The following AGAP6 variants were observed in gnomAD, a reference collection of about 807,000 sequenced individuals.
AGAP6 encodes the protein arf-GAP with GTPase, ANK repeat and PH domain-containing protein 6.
A neutral mutation model predicts 63.9 loss-of-function variants in AGAP6; 29 were observed. That is an observed-to-expected ratio of 0.45 (90% CI 0.34 to 0.62). AGAP6 has a LOEUF of 0.62. Ranked by LOEUF, AGAP6 falls within the 20% of genes least tolerant of loss-of-function variation. The pLI is 0.01. For synonymous variants in AGAP6, 199 were observed against 332.9 expected (o/e 0.60, Z 4.38); for missense variants, 493 against 884.9 (o/e 0.56, Z 5.62).
At position 50,010,231 on chromosome 10, in the gene AGAP6, T is replaced by C. The variant is rs1842063333; in HGVS notation, c.*45T>C. The C allele has an allele frequency of 6.3e-7, 1 of 1,575,226 alleles. No individual in the cohort carries two copies. Among genetic ancestry groups the C allele is most frequent in the Admixed American group, 1.8e-5 (1 of 56,914 alleles). On this transcript the variant is annotated 3_prime_UTR_variant, in exon 8 of 8. Coordinates refer to ENST00000412531, the MANE Select transcript of AGAP6 (RefSeq NM_001077665.3). ...CAGTCTCCTTGGTGCAAAAACAAAA[T>C]GGGAAAAATAAGGATAACTCAGAAT...
chr10:50,005,093 T>A (rs530294698), intron 6 of AGAP6, among the ~76,000 whole-genome samples: 1 of 152,228 alleles, frequency 6.6e-6, no homozygotes, highest in African/African-American at 2.4e-5. Context: ...TCATGGCCTC[T>A]ACCAACTAGA....
intron 3 of AGAP6, among the ~76,000 whole-genome samples, chr10:49,993,840 T>A (rs1243338997): frequency 4.7e-5 from 7 of 148,660 alleles, no homozygotes; most frequent in African/African-American, 1.5e-4. Flanking sequence ...AAAAAAAAAA[T>A]TAAGATATGT....
rs782767193 is a variant in AGAP6 at position 50,009,674 on chromosome 10, C to G, written c.1549C>G (p.Arg517Gly). ...TCTTGGCCCCCACCTTTCCCGTGTG[C>G]GATCTCTGGAGCTGGATGACTGGCC... ...RSLGPHLSRV[R>G]SLELDDWPVE... The change falls in exon 8 of 8, where the codon CGA (arginine) becomes GGA (glycine). Residue 517 changes from arginine (R) to glycine (G), a missense_variant. This residue lies in a region of AGAP6 where 87 missense variants were observed against 92.9 expected (regional missense o/e 0.94). Coordinates refer to ENST00000412531, the MANE Select transcript of AGAP6 (RefSeq NM_001077665.3). 1 of 1,614,168 alleles carries G rather than the reference C, an allele frequency of 6.2e-7. No homozygotes were observed. Among genetic ancestry groups the G allele is most frequent in the Admixed American group, 1.7e-5 (1 of 60,020 alleles).
intron 3 of AGAP6, among the ~76,000 whole-genome samples, chr10:49,992,866 A>G (rs1564706918): frequency 6.6e-6 from 1 of 152,108 alleles, no homozygotes; most frequent in Admixed American, 6.5e-5. Flanking sequence ...GGTTCAAGCA[A>G]TTCTCCTGCC....
chr10:50,003,842 C>T (rs1841801662), intron 5 of AGAP6, among the ~76,000 whole-genome samples: 1 of 152,122 alleles, frequency 6.6e-6, no homozygotes, highest in Non-Finnish European at 1.5e-5. Flanking sequence ...GGTCATTGGT[C>T]CTTTCCAGCA....
chr10:49,989,375 A>T lies in AGAP6; in HGVS notation c.291A>T (p.Glu97Asp), dbSNP rs1193006503. Residue 97 changes from glutamate (E) to aspartate (D), a missense_variant and splice_region_variant, in exon 2 of 8, where the codon GAA becomes GAT. This residue lies in a region of AGAP6 where 342 missense variants were observed against 533.4 expected (regional missense o/e 0.64). Transcript: ENST00000412531. ...STIFQRNSQT[E>D]ALEFNPSANP... is the part of the protein sequence containing the mutation. The stretch of plus-strand genomic sequence containing the variant: ...TATTCCAGAGGAACTCTCAAACAGA[A>T]GGTGAGACAACAGTGTCTGTAGCTC... 20 of 1,597,460 alleles carry T rather than the reference A, an allele frequency of 1.3e-5. No homozygotes were observed. The highest frequency in any genetic ancestry group is 2.2e-5 in the South Asian group (2 of 90,982).
chr10:49,989,016 C>T, intron 1 of AGAP6, 78 bp downstream of exon 1: 3 of 1,597,948 alleles, frequency 1.9e-6, no homozygotes, highest in South Asian at 1.1e-5. Flanking sequence ...TTGAGGCATC[C>T]CACACTTCGA....
chr10:49,989,202 A>G, intron 1 of AGAP6, 106 bp from the exon 2 acceptor site: 1 of 1,531,218 alleles, frequency 6.5e-7, no homozygotes, highest in East Asian at 2.4e-5. Flanking sequence ...CTGGCATGGG[A>G]CCATTTATTT....
At chr10:49,998,002 A>G (rs1458592083) in intron 4 of AGAP6, among the ~76,000 whole-genome samples, 1 of 137,588 alleles carries the variant, frequency 7.3e-6, no homozygotes, top group Non-Finnish European at 1.5e-5. Context: ...ATATATATAT[A>G]TATATATATA....
intron 2 of AGAP6, 28 bp downstream of exon 2, chr10:49,989,404 T>A (rs1554860383): frequency 6.3e-7 from 1 of 1,597,400 alleles, no homozygotes; most frequent in East Asian, 2.2e-5. Context: ...GTAGCTCTAT[T>A]TATTATCCTG....
intron 6 of AGAP6, among the ~76,000 whole-genome samples, chr10:50,005,250 G>C (rs567161513): frequency 1.4e-3 from 216 of 152,322 alleles, no homozygotes; most frequent in African/African-American, 5.1e-3. Context: ...ATTATTTGAA[G>C]TCTCTCATGT....
At chr10:49,995,225 T>C (rs1404897261) in intron 4 of AGAP6, among the ~76,000 whole-genome samples, 1 of 152,188 alleles carries the variant, frequency 6.6e-6, no homozygotes, top group Non-Finnish European at 1.5e-5. Flanking sequence ...ATATGGTGTT[T>C]TCACTGTGTC....
At position 49,988,792 on chromosome 10, in the gene AGAP6, C is replaced by T. The variant is rs148430930; in HGVS notation, c.77C>T (p.Pro26Leu). 2 of 1,597,106 alleles carry T rather than the reference C, an allele frequency of 1.3e-6. No individual in the cohort carries two copies. The highest frequency in any genetic ancestry group is 1.1e-5 in the South Asian group (1 of 90,946). ...EFDQQQGSVCPSESETYEAGA... is the reference protein window; with the variant it reads ...EFDQQQGSVCLSESETYEAGA... The stretch of plus-strand genomic sequence containing the variant: ...GACCAGCAGCAGGGGTCGGTGTGTC[C>T]CTCTGAATCTGAGACCTATGAGGCA... Residue 26 changes from proline to leucine, a missense_variant, in exon 1 of 8, where the codon CCC (proline) becomes CTC (leucine). Around this residue, in one of 7 missense-constraint regions of AGAP6, gnomAD observed 342 missense variants for 533.4 expected, o/e 0.64. Coordinates refer to ENST00000412531, the MANE Select transcript of AGAP6 (RefSeq NM_001077665.3).
At chr10:50,002,199 C>T in intron 5 of AGAP6, 103 bp downstream of exon 5, 1 of 1,079,282 alleles carries the variant, frequency 9.3e-7, no homozygotes, top group Non-Finnish European at 1.3e-6. Flanking sequence ...TTGGAGTCAA[C>T]CATATATTGA....
Position 50,009,233 on chromosome 10 carries a change from G to A in AGAP6, c.1108G>A (p.Gly370Arg), listed in dbSNP as rs562024691. 2,795 of 1,614,014 alleles carry A rather than the reference G, an allele frequency of 1.7e-3. 10 individuals are homozygous for A. In the African/African-American group the frequency reaches 0.033, roughly 19 times the overall value. ...SNGLSKDMDT[G>R]LGDSICFSPS... is the part of the protein sequence containing the mutation. Reference sequence around the variant, plus strand: ...TGGCCTATCCAAGGACATGGACACCGGGCTGGGTGACTCCATATGCTTCAG... The same window carrying A: ...TGGCCTATCCAAGGACATGGACACCAGGCTGGGTGACTCCATATGCTTCAG... The change falls in exon 8 of 8, where the codon GGG becomes AGG. Residue 370 changes from glycine to arginine, a missense_variant. By Grantham distance (125) the Gly-to-Arg change is moderately radical. Around this residue, in one of 7 missense-constraint regions of AGAP6, gnomAD observed 342 missense variants for 533.4 expected, o/e 0.64. Transcript: ENST00000412531.
chr10:50,008,060 A>G lies in AGAP6; in HGVS notation c.569A>G (p.Gln190Arg), dbSNP rs1554864247. ...ADRTLSIPDE[Q>R]LHSFAVSTVH... Reference sequence around the variant, plus strand: ...AGAACTTTGAGCATACCTGATGAACAGTTACACTCATTTGCGGTAAGTGGC... The same window carrying G: ...AGAACTTTGAGCATACCTGATGAACGGTTACACTCATTTGCGGTAAGTGGC... Residue 190 changes from glutamine to arginine, a missense_variant, in exon 7 of 8, where the codon CAG becomes CGG. By Grantham distance (43) the Gln-to-Arg change is conservative (BLOSUM62 1). Transcript: ENST00000412531. The G allele has an allele frequency of 3.1e-6, 5 of 1,611,844 alleles. No homozygotes were observed. The highest frequency in any genetic ancestry group is 4.2e-6 in the Non-Finnish European group (5 of 1,179,842).
rs1322581868 is a variant in AGAP6 at position 49,988,793 on chromosome 10, CTCTGAA to C, written c.84_89del (p.Ser29_Glu30del). ...ACCAGCAGCAGGGGTCGGTGTGTCC[CTCTGAA>C]TCTGAGACCTATGAGGCAGGAGCTA... On this transcript the variant is annotated inframe_deletion, in exon 1 of 8. Coordinates refer to ENST00000412531, the MANE Select transcript of AGAP6 (RefSeq NM_001077665.3). 6.3e-7 allele frequency: 1 copy of C among 1,597,032 alleles called. No homozygotes were observed. The highest frequency in any genetic ancestry group is 8.5e-7 in the Non-Finnish European group (1 of 1,179,536).
rs1842012500 is a variant in AGAP6 at position 50,008,918 on chromosome 10, GAGA to G, written c.794_796del (p.Glu265_Arg266delinsGly). On this transcript the variant is annotated inframe_deletion, in exon 8 of 8. Coordinates refer to ENST00000412531, the MANE Select transcript of AGAP6 (RefSeq NM_001077665.3). ...TGAGAAAGGGAGTGACCCAGACAAA[GAGA>G]GGAAAGCCCCGGAGAATCATGCTGA... The G allele has an allele frequency of 1.9e-6, 3 of 1,613,568 alleles. No homozygotes were observed. The highest frequency in any genetic ancestry group is 2.5e-6 in the Non-Finnish European group (3 of 1,179,638).
chr10:49,989,119 C>T (rs1324739677), intron 1 of AGAP6, among the ~76,000 whole-genome samples, 181 bp downstream of exon 1: 13 of 151,494 alleles, frequency 8.6e-5, no homozygotes, highest in African/African-American at 1.9e-4. Context: ...CTTTCCCCAC[C>T]GAGTCCAGTC....
Sources: gnomAD v4.1 joint callset for allele counts (sites outside exome capture counted in the v4.1 genomes callset) on GRCh38, gnomAD v4.1.1 for gene constraint, gnomAD v4.1.1 regional missense constraint, MANE v1.5 for transcripts, NCBI Gene and HGNC (gene_info 2026-07-23, HGNC 2026-07-21) for gene names.